Variants in ADGRL3 observed in about 807,000 individuals in gnomAD.
ADGRL3 encodes adhesion G protein-coupled receptor L3.
In ADGRL3, 62 loss-of-function variants were observed where a neutral mutation model predicts 153.5. The ratio of observed to expected loss-of-function variants is 0.40; its 90% CI spans 0.33 to 0.50. ADGRL3 has a LOEUF of 0.50. Ranked by LOEUF, ADGRL3 falls within the 20% of genes least tolerant of loss-of-function variation. The probability of loss-of-function intolerance (pLI) is 0.47; values close to 1 mark genes in which losing one functional copy is unlikely to be tolerated. For missense variants in ADGRL3, 1,641 were observed against 1,859.4 expected (o/e 0.88, Z 2.16); for synonymous variants, 710 against 672.5 (o/e 1.06, Z -0.86).
intron 9 of ADGRL3, among the ~76,000 whole-genome samples, chr4:61,849,753 A>G (rs2098179512): frequency 6.6e-6 from 1 of 152,286 alleles, no homozygotes; most frequent in Admixed American, 6.5e-5. Context: ...TCTAAATGCC[A>G]GCTGTGACTT....
intron 1 of ADGRL3, among the ~76,000 whole-genome samples, chr4:61,357,129 T>C (rs571943066): frequency 6.6e-6 from 1 of 152,250 alleles, no homozygotes; most frequent in South Asian, 2.1e-4. Context: ...AATATCTATC[T>C]GGGGAAAGTA....
intron 8 of ADGRL3, among the ~76,000 whole-genome samples, chr4:61,767,772 G>A (rs370277954): frequency 2.6e-5 from 4 of 152,292 alleles, no homozygotes; most frequent in African/African-American, 9.6e-5. Context: ...GGGGGAGGAG[G>A]TTCTGGAGGA....
rs1579007649 is a variant in ADGRL3 at position 61,463,886 on chromosome 4, C to T, written c.-173-33235C>T. Among the ~76,000 whole-genome samples, 5 of 152,206 alleles carry T rather than the reference C, an allele frequency of 3.3e-5. 1 individual carries two copies. The highest frequency in any genetic ancestry group is 3.3e-4 in the Admixed American group (5 of 15,280). ...ACACAGTGAATGGAAGTAGCTGGTA[C>T]ATACTTGAAGGTGTGTTTGTGCATT... On this transcript the variant is annotated intron_variant, in intron 2 of 26. Transcript: ENST00000683033.
At chr4:61,595,431 C>A (rs927981879) in intron 5 of ADGRL3, among the ~76,000 whole-genome samples, 7 of 151,962 alleles carry the variant, frequency 4.6e-5, no homozygotes, top group Non-Finnish European at 1.0e-4. Flanking sequence ...CCTTCTTGAT[C>A]CAGGATGTGT....
At chr4:62,063,620 G>C in intron 25 of ADGRL3, 1 of 697,372 alleles carries the variant, frequency 1.4e-6, no homozygotes, top group Non-Finnish European at 2.6e-6. Context: ...CTGTCAGCAT[G>C]TACAACGCAC....
chr4:61,884,972 C>T (rs769616755), intron 9 of ADGRL3, among the ~76,000 whole-genome samples: 34 of 151,160 alleles, frequency 2.2e-4, no homozygotes, highest in Non-Finnish European at 4.0e-4. Flanking sequence ...AGAACCTGAA[C>T]TTGATCCATA....
At chr4:61,839,819 G>A (rs1186376288) in intron 9 of ADGRL3, among the ~76,000 whole-genome samples, 1 of 151,514 alleles carries the variant, frequency 6.6e-6, no homozygotes, top group African/African-American at 2.4e-5. Flanking sequence ...ACATGGTTGT[G>A]CATAACTGCA....
chr4:61,277,482 T>C (rs1334089080), intron 1 of ADGRL3, among the ~76,000 whole-genome samples: 1 of 152,192 alleles, frequency 6.6e-6, no homozygotes, highest in African/African-American at 2.4e-5. Flanking sequence ...ATTTACTTAT[T>C]TAAATACTCT....
At chr4:61,831,482 G>A (rs1192102574) in intron 9 of ADGRL3, among the ~76,000 whole-genome samples, 1 of 150,624 alleles carries the variant, frequency 6.6e-6, no homozygotes, top group African/African-American at 2.4e-5. Flanking sequence ...AAGCAGGGGA[G>A]GTGGGGTAGG....
At chr4:61,859,775 A>C (rs1200494624) in intron 9 of ADGRL3, among the ~76,000 whole-genome samples, 2 of 152,218 alleles carry the variant, frequency 1.3e-5, no homozygotes, top group Admixed American at 6.5e-5. Context: ...GGTGTGTAGT[A>C]CTAAAGTGAC....
At chr4:61,330,809 T>G (rs2095557456) in intron 1 of ADGRL3, among the ~76,000 whole-genome samples, 1 of 152,104 alleles carries the variant, frequency 6.6e-6, no homozygotes, top group Non-Finnish European at 1.5e-5. Context: ...GGTCTGCTGA[T>G]TGGCCCATTT....
intron 25 of ADGRL3, among the ~76,000 whole-genome samples, chr4:62,058,090 G>A (rs1421050178): frequency 6.6e-6 from 1 of 152,130 alleles, no homozygotes; most frequent in African/African-American, 2.4e-5. Flanking sequence ...GTAGCCAGGA[G>A]TTTGTGAGTT....
At chr4:61,357,709 AT>A (rs1267602096) in intron 1 of ADGRL3, among the ~76,000 whole-genome samples, 4 of 152,150 alleles carry the variant, frequency 2.6e-5, no homozygotes, top group Non-Finnish European at 5.9e-5. Context: ...ATATATGTAA[AT>A]TTTTTTGACA....
intron 9 of ADGRL3, among the ~76,000 whole-genome samples, chr4:61,865,209 C>G (rs1416604358): frequency 6.6e-6 from 1 of 152,130 alleles, no homozygotes; most frequent in Non-Finnish European, 1.5e-5. Context: ...GTTTGGCTGA[C>G]TAATAACTGT....
chr4:61,765,073 G>T (rs1007369773), intron 8 of ADGRL3, among the ~76,000 whole-genome samples: 1 of 152,228 alleles, frequency 6.6e-6, no homozygotes, highest in East Asian at 1.9e-4. Context: ...ATTCAGCATA[G>T]TCCTGCCAGC....
intron 24 of ADGRL3, among the ~76,000 whole-genome samples, chr4:62,041,828 A>G (rs1405017048): frequency 6.6e-6 from 1 of 151,964 alleles, no homozygotes; most frequent in Non-Finnish European, 1.5e-5. Context: ...TGCCTGCAAT[A>G]CTTCTCCTTT....
At chr4:61,389,350 C>A (rs571720841) in intron 2 of ADGRL3, among the ~76,000 whole-genome samples, 2 of 152,298 alleles carry the variant, frequency 1.3e-5, no homozygotes, top group Admixed American at 1.3e-4. Flanking sequence ...TTGAAAGTGG[C>A]AACCCTGTTT....
At position 61,232,579 on chromosome 4, in the gene ADGRL3, G is replaced by C. The variant is rs182893102; in HGVS notation, c.-240+30814G>C. Among the ~76,000 whole-genome samples the C allele has an allele frequency of 6.1e-4, 93 of 152,174 alleles. 1 individual carries two copies. The East Asian group carries it at 0.013, about 21-fold the overall frequency. On this transcript the variant is annotated intron_variant, in intron 1 of 26. Coordinates refer to ENST00000683033, the MANE Select transcript of ADGRL3 (RefSeq NM_001387552.1). ...CTTCCTTGGCCTCCCAAAGTGCTGG[G>C]ATTATAGGTGTGAGCCACCGTGCCC...
intron 8 of ADGRL3, among the ~76,000 whole-genome samples, chr4:61,804,733 T>C (rs1417598591): frequency 6.6e-6 from 1 of 152,166 alleles, no homozygotes; most frequent in African/African-American, 2.4e-5. Context: ...GGCCATTATT[T>C]GAGAGTAATA....
Sources: gnomAD v4.1 joint callset for allele counts (sites outside exome capture counted in the v4.1 genomes callset) on GRCh38, gnomAD v4.1.1 for gene constraint, MANE v1.5 for transcripts, NCBI Gene and HGNC (gene_info 2026-07-23, HGNC 2026-07-21) for gene names.